TFG: variants seen among roughly 807,000 people sequenced by gnomAD.
The protein encoded by TFG is trafficking from ER to golgi regulator, also known as protein TFG.
A neutral mutation model predicts 51.4 loss-of-function variants in TFG; 22 were observed. That is an observed-to-expected ratio of 0.43 (90% CI 0.31 to 0.61). TFG has a LOEUF of 0.61. Among genes scored for constraint, TFG ranks in the 20% least tolerant of loss-of-function variants. The probability of loss-of-function intolerance (pLI) is 0.12; values close to 1 mark genes in which losing one functional copy is unlikely to be tolerated. For missense variants in TFG, 419 were observed against 487.7 expected (o/e 0.86, Z 1.33); for synonymous variants, 187 against 165.6 (o/e 1.13, Z -0.99).
intron 3 of TFG, among the ~76,000 whole-genome samples, chr3:100,723,846 G>A (rs1192036867): frequency 2.0e-5 from 3 of 148,626 alleles, no homozygotes; most frequent in Non-Finnish European, 4.5e-5. Flanking sequence ...TTTTTTTTTC[G>A]AGTACTCATA....
At chr3:100,716,634 T>A (rs1349936748) in intron 2 of TFG, among the ~76,000 whole-genome samples, 5 of 152,226 alleles carry the variant, frequency 3.3e-5, no homozygotes, top group Non-Finnish European at 7.3e-5. Flanking sequence ...CCCTAGTGGC[T>A]GTACTGTTGA....
intron 3 of TFG, 40 bp from the exon 4 acceptor site, chr3:100,728,672 T>C: frequency 6.6e-7 from 1 of 1,525,868 alleles, no homozygotes; most frequent in East Asian, 2.4e-5. Flanking sequence ...TACTTATTCA[T>C]GAACTTCTAA....
chr3:100,726,500 T>C (rs2095076344), intron 3 of TFG, among the ~76,000 whole-genome samples: 1 of 152,248 alleles, frequency 6.6e-6, no homozygotes, highest in African/African-American at 2.4e-5. Context: ...TTAACTTAAT[T>C]AATTTAAACT....
chr3:100,725,931 G>T (rs2095074458), intron 3 of TFG, among the ~76,000 whole-genome samples: 1 of 152,176 alleles, frequency 6.6e-6, no homozygotes, highest in Admixed American at 6.5e-5. Flanking sequence ...GTGTGCTAGG[G>T]TTCTCCAGAG....
chr3:100,732,954 T>C (rs1158932840), intron 5 of TFG, among the ~76,000 whole-genome samples: 2 of 152,204 alleles, frequency 1.3e-5, no homozygotes, highest in Non-Finnish European at 1.5e-5. Flanking sequence ...AAGTAAATTT[T>C]TGAAAGTAAA....
At chr3:100,723,770 A>G (rs1576362139) in intron 3 of TFG, among the ~76,000 whole-genome samples, 1 of 152,170 alleles carries the variant, frequency 6.6e-6, no homozygotes, top group African/African-American at 2.4e-5. Context: ...GGGAGAGCCG[A>G]TAAATCAAGC....
chr3:100,744,619 CAGTT>C (rs2095130053), intron 6 of TFG: 2 of 380,438 alleles, frequency 5.3e-6, no homozygotes, highest in East Asian at 3.9e-5. Context: ...TGTTTATTGC[CAGTT>C]AGTTCTCTGC....
intron 3 of TFG, among the ~76,000 whole-genome samples, chr3:100,722,375 C>G (rs2095063380): frequency 6.6e-6 from 1 of 152,052 alleles, no homozygotes; most frequent in African/African-American, 2.4e-5. Context: ...CACAAAAACA[C>G]AGGCAAAAGA....
chr3:100,715,066 T>A (rs1014856340), intron 2 of TFG, among the ~76,000 whole-genome samples: 37 of 152,230 alleles, frequency 2.4e-4, no homozygotes, highest in African/African-American at 7.2e-4. Flanking sequence ...CACACCATCC[T>A]TGTTTTTAAA....
intron 1 of TFG, among the ~76,000 whole-genome samples, chr3:100,713,233 C>T (rs779026404): frequency 2.0e-5 from 3 of 152,120 alleles, no homozygotes; most frequent in Non-Finnish European, 2.9e-5. Flanking sequence ...ATTTTAAAGG[C>T]AGTGGCAACC....
At chr3:100,735,174 C>T (rs2095103053) in intron 5 of TFG, among the ~76,000 whole-genome samples, 1 of 152,040 alleles carries the variant, frequency 6.6e-6, no homozygotes. Flanking sequence ...AACCATCATC[C>T]ATTTTATTTT....
rs2095153634 is a variant in TFG at position 100,748,198 on chromosome 3, A to T, written c.870A>T (p.Gly290=). 6.2e-7 allele frequency: 1 copy of T among 1,614,000 alleles called. No homozygotes were observed. ...TGPQQPQQFQ[G]YGQQPTSQAP... ...CTCAACAACCTCAGCAGTTCCAGGGATATGGCCAGCAACCAACTTCCCAGG... is the reference window on the plus strand; with the variant it reads ...CTCAACAACCTCAGCAGTTCCAGGGTTATGGCCAGCAACCAACTTCCCAGG... The change falls in exon 8 of 8, where the codon GGA becomes GGT. Residue 290 remains glycine (G), a synonymous_variant. Transcript: ENST00000240851.
chr3:100,715,674 A>G lies in TFG; in HGVS notation c.184+1805A>G, dbSNP rs149837398. On this transcript the variant is annotated intron_variant, in intron 2 of 7. Coordinates refer to ENST00000240851, the MANE Select transcript of TFG (RefSeq NM_006070.6). ...TCCTGTTTTCTTATGCTTATCATAC[A>G]TTGATTTGCACCTCTGTGACTTTGA... 3.4e-3 allele frequency among the ~76,000 whole-genome samples: 523 copies of G among 152,050 alleles called. 5 individuals are homozygous for G. The highest frequency in any genetic ancestry group is 5.0e-3 in the Non-Finnish European group (342 of 67,986).
intron 4 of TFG, among the ~76,000 whole-genome samples, chr3:100,730,636 A>C (rs951310192): frequency 1.3e-5 from 2 of 152,182 alleles, no homozygotes; most frequent in African/African-American, 2.4e-5. Flanking sequence ...TATCAGTGCT[A>C]TTTAGAACCT....
At chr3:100,746,145 T>TA (rs956707293) in intron 7 of TFG, among the ~76,000 whole-genome samples, 13 of 152,282 alleles carry the variant, frequency 8.5e-5, no homozygotes, top group African/African-American at 1.9e-4. Flanking sequence ...GCAGTTCTTT[T>TA]AAAAAAATCA....
intron 3 of TFG, among the ~76,000 whole-genome samples, chr3:100,721,108 A>ATTTT (rs1282288939): frequency 2.0e-5 from 3 of 152,238 alleles, no homozygotes; most frequent in Admixed American, 1.3e-4. Flanking sequence ...AAATAAAGGT[A>ATTTT]TCTTTTTACA....
chr3:100,714,333 C>T (rs1310536763), intron 2 of TFG, among the ~76,000 whole-genome samples: 1 of 152,050 alleles, frequency 6.6e-6, no homozygotes, highest in Non-Finnish European at 1.5e-5. Flanking sequence ...AACCCTGTCT[C>T]TACTAAAAAT....
Position 100,747,990 on chromosome 3 carries a change from G to A in TFG, c.821-159G>A, listed in dbSNP as rs567336770. On this transcript the variant is annotated intron_variant, in intron 7 of 7. Coordinates refer to ENST00000240851, the MANE Select transcript of TFG (RefSeq NM_006070.6). Reference sequence around the variant, plus strand: ...AGAATGCCTCTTTGATAACTACTTGGTCTTGAAATATTATGTGATGGAATC... The same window carrying A: ...AGAATGCCTCTTTGATAACTACTTGATCTTGAAATATTATGTGATGGAATC... Among the ~76,000 whole-genome samples, 46 of 152,152 alleles carry A rather than the reference G, an allele frequency of 3.0e-4. No homozygotes were observed. In the South Asian group the frequency reaches 5.2e-3, roughly 17 times the overall value.
In TFG at chr3:100,728,847, T is replaced by C. The variant is rs774357786; in HGVS notation, c.404T>C (p.Ile135Thr). The change falls in exon 4 of 8, where the codon ATT becomes ACT. Residue 135 changes from isoleucine to threonine, a missense_variant. This residue lies in a region of TFG where 391 missense variants were observed against 434.4 expected (regional missense o/e 0.90). Coordinates refer to ENST00000240851, the MANE Select transcript of TFG (RefSeq NM_006070.6). Reference protein sequence around the residue: ...PPGEPGPSTNIPENDTVDGRE... With the variant: ...PPGEPGPSTNTPENDTVDGRE... ...GGAGAACCAGGACCTTCCACCAATA[T>C]TCCTGAAAATGGTAAACCCTGAATC... 1.1e-5 allele frequency: 17 copies of C among 1,604,580 alleles called. No individual in the cohort carries two copies. Among genetic ancestry groups the C allele is most frequent in the Non-Finnish European group, 1.4e-5 (17 of 1,176,524 alleles).
Sources: gnomAD v4.1 joint callset for allele counts (sites outside exome capture counted in the v4.1 genomes callset) on GRCh38, gnomAD v4.1.1 for gene constraint, gnomAD v4.1.1 regional missense constraint, MANE v1.5 for transcripts, NCBI Gene and HGNC (gene_info 2026-07-23, HGNC 2026-07-21) for gene names.